The following TMEM232 variants were observed in gnomAD, a reference collection of about 807,000 sequenced individuals.
The protein encoded by TMEM232 is transmembrane protein 232.
In TMEM232, 80 loss-of-function variants were observed where a neutral mutation model predicts 78.8. The observed-to-expected ratio is 1.01, with a 90% confidence interval of 0.85 to 1.22. The LOEUF is 1.22. Ranked by LOEUF, TMEM232 falls within the 50% of genes most tolerant of loss-of-function variation. TMEM232 has a pLI of 0.00. For missense variants in TMEM232, 881 were observed against 742.2 expected (o/e 1.19, Z -2.17); for synonymous variants, 297 against 254.3 (o/e 1.17, Z -1.60).
intron 12 of TMEM232, among the ~76,000 whole-genome samples, chr5:110,478,926 T>G (rs1290382849): frequency 1.3e-5 from 2 of 150,778 alleles, no homozygotes; most frequent in Non-Finnish European, 3.0e-5. Context: ...TTTTTGCTCT[T>G]TCTTTGTGGG....
In TMEM232 at chr5:110,637,820, T is replaced by C. The variant is rs138553682; in HGVS notation, c.501+378A>G. 1.0e-2 allele frequency among the ~76,000 whole-genome samples: 1,521 copies of C among 152,126 alleles called. 33 individuals carry two copies. Among genetic ancestry groups the C allele is most frequent in the African/African-American group, 0.034 (1,420 of 41,542 alleles). Reference sequence around the variant, plus strand: ...ATAGAATATTAGAAGAACAACTAAGTTTCCCAAATTGGGCAGCTATTTAAG... The same window carrying C: ...ATAGAATATTAGAAGAACAACTAAGCTTCCCAAATTGGGCAGCTATTTAAG... On this transcript the variant is annotated intron_variant, in intron 5 of 13. Transcript: ENST00000455884.
At chr5:110,614,744 C>G (rs1782720262) in intron 8 of TMEM232, among the ~76,000 whole-genome samples, 1 of 151,832 alleles carries the variant, frequency 6.6e-6, no homozygotes, top group South Asian at 2.1e-4. Context: ...TTAGAGTTTT[C>G]CAAGGGCTTA....
intron 11 of TMEM232, among the ~76,000 whole-genome samples, chr5:110,549,093 C>T (rs35638574): frequency 0.078 from 11,839 of 151,846 alleles, 567 homozygotes; most frequent in Non-Finnish European, 0.12. Flanking sequence ...GCTTATCACA[C>T]TTTTTAGGAT....
At chr5:110,485,967 A>AT (rs1423031771) in intron 12 of TMEM232, among the ~76,000 whole-genome samples, 1 of 152,032 alleles carries the variant, frequency 6.6e-6, no homozygotes, top group East Asian at 1.9e-4. Flanking sequence ...CACTGCATCC[A>AT]TGCCAATATC....
At chr5:110,498,783 A>C (rs1765895491) in intron 12 of TMEM232, among the ~76,000 whole-genome samples, 1 of 152,202 alleles carries the variant, frequency 6.6e-6, no homozygotes, top group Admixed American at 6.6e-5. Flanking sequence ...AAGTCCCAGA[A>C]AGCAGGACTT....
At chr5:110,675,330 C>A (rs1791896166) in intron 1 of TMEM232, among the ~76,000 whole-genome samples, 1 of 152,130 alleles carries the variant, frequency 6.6e-6, no homozygotes, top group Non-Finnish European at 1.5e-5. Context: ...CAGGCATGAG[C>A]CACCGTGCCT....
chr5:110,575,685 G>A (rs1258065836), intron 10 of TMEM232, among the ~76,000 whole-genome samples: 2 of 151,900 alleles, frequency 1.3e-5, no homozygotes, highest in African/African-American at 2.4e-5. Flanking sequence ...GCAGAATGGT[G>A]GCCAACCAGG....
intron 10 of TMEM232, among the ~76,000 whole-genome samples, chr5:110,594,987 C>T (rs768626180): frequency 2.0e-5 from 3 of 152,180 alleles, no homozygotes; most frequent in Non-Finnish European, 4.4e-5. Flanking sequence ...GGAGATGCCT[C>T]CCAGCAGGGG....
At chr5:110,407,796 A>AT (rs1401142284) in intron 2 of TMEM232, among the ~76,000 whole-genome samples, 1 of 152,126 alleles carries the variant, frequency 6.6e-6, no homozygotes, top group Non-Finnish European at 1.5e-5. Context: ...GCCTGTACAA[A>AT]TTTTTTTAAA....
At chr5:110,508,021 T>C (rs1323357390) in intron 12 of TMEM232, among the ~76,000 whole-genome samples, 1 of 152,242 alleles carries the variant, frequency 6.6e-6, no homozygotes, top group African/African-American at 2.4e-5. Flanking sequence ...GAATTCTCTG[T>C]GACAATGTTG....
intron 11 of TMEM232, among the ~76,000 whole-genome samples, chr5:110,533,179 C>A (rs1240213374): frequency 1.3e-5 from 2 of 152,196 alleles, no homozygotes. Context: ...TCAGTCCCAG[C>A]AGATTACCTA....
chr5:110,688,501 C>A (rs1180992354), intron 1 of TMEM232, among the ~76,000 whole-genome samples: 3 of 152,096 alleles, frequency 2.0e-5, no homozygotes. Context: ...GGTGACAGCA[C>A]CTCAAAAGAA....
rs1756494144 is a variant in TMEM232, at chr5:110,420,131, A to C, written c.*449T>G. ...TCAAATAAGATGCCATACTGTTTTT[A>C]TTTGAATAATAGTAATTACAGGATT... On this transcript the variant is annotated 3_prime_UTR_variant, in exon 14 of 14. Coordinates refer to ENST00000455884, the MANE Select transcript of TMEM232 (RefSeq NM_001039763.4). The C allele has an allele frequency of 6.6e-6, 1 of 152,630 alleles. No homozygotes were observed. Among genetic ancestry groups the C allele is most frequent in the African/African-American group, 2.4e-5 (1 of 41,594 alleles). 9.5% of individuals were successfully genotyped at this position (152,630 alleles called of 1,614,324 possible). A position where few individuals can be genotyped will look rare whatever the true frequency, so the allele number is the denominator to read the frequency against.
intron 11 of TMEM232, among the ~76,000 whole-genome samples, chr5:110,534,707 AT>A (rs1772065049): frequency 6.6e-6 from 1 of 152,150 alleles, no homozygotes; most frequent in African/African-American, 2.4e-5. Context: ...TCCCCAAACT[AT>A]CACTCTTAAC....
At chr5:110,399,802 C>T (rs1755526821) in intron 2 of TMEM232, among the ~76,000 whole-genome samples, 1 of 152,112 alleles carries the variant, frequency 6.6e-6, no homozygotes, top group African/African-American at 2.4e-5. Context: ...TCCCTGGTTG[C>T]CCTTCCTTAC....
At chr5:110,421,284 T>C (rs977185807) in intron 13 of TMEM232, among the ~76,000 whole-genome samples, 2 of 151,966 alleles carry the variant, frequency 1.3e-5, no homozygotes, top group African/African-American at 4.8e-5. Flanking sequence ...TTTTTTTCTT[T>C]TTCTTTTGCT....
chr5:110,599,267 G>A (rs886930035), intron 10 of TMEM232, among the ~76,000 whole-genome samples: 2 of 152,052 alleles, frequency 1.3e-5, no homozygotes, highest in Non-Finnish European at 2.9e-5. Context: ...ATCAACTACT[G>A]TGCAAAATAA....
intron 11 of TMEM232, among the ~76,000 whole-genome samples, chr5:110,538,226 T>A (rs1772644651): frequency 6.6e-6 from 1 of 152,194 alleles, no homozygotes; most frequent in African/African-American, 2.4e-5. Flanking sequence ...TGGACTCTTC[T>A]TTTTCCAAAG....
intron 12 of TMEM232, among the ~76,000 whole-genome samples, chr5:110,491,537 T>C (rs1197244664): frequency 6.6e-6 from 1 of 152,014 alleles, no homozygotes; most frequent in African/African-American, 2.4e-5. Context: ...TGGTAAAAGA[T>C]TTCATTTTAG....
Sources: allele counts gnomAD v4.1 joint callset (sites outside exome capture counted in the v4.1 genomes callset), GRCh38; gene constraint gnomAD v4.1.1; transcripts MANE v1.5; gene names NCBI Gene and HGNC (gene_info 2026-07-23, HGNC 2026-07-21).